Variants in ALDH1A2 observed in about 807,000 individuals in gnomAD.
ALDH1A2 encodes the protein aldehyde dehydrogenase 1 family member A2.
A neutral mutation model predicts 60.3 loss-of-function variants in ALDH1A2; 27 were observed. That is an observed-to-expected ratio of 0.45 (90% CI 0.33 to 0.62). The LOEUF (loss-of-function observed/expected upper bound fraction) is 0.62, where lower values mean the gene tolerates loss of function less well. Among genes scored for constraint, ALDH1A2 ranks in the 20% least tolerant of loss-of-function variants. ALDH1A2 has a pLI of 0.02. For missense variants in ALDH1A2, 581 were observed against 643.8 expected, an observed-to-expected ratio of 0.90 and a Z score of 1.06; for synonymous variants, 289 against 232.4, an observed-to-expected ratio of 1.24 and a Z score of -2.21.
At chr15:58,007,858 C>G (rs555894111) in intron 4 of ALDH1A2, among the ~76,000 whole-genome samples, 1 of 149,632 alleles carries the variant, frequency 6.7e-6, no homozygotes, top group East Asian at 2.0e-4. Flanking sequence ...TATGGAGTTA[C>G]AAAAGACAAA....
chr15:57,970,007 G>C lies in ALDH1A2; in HGVS notation c.799-4180C>G, dbSNP rs73422176. 4.3e-3 allele frequency among the ~76,000 whole-genome samples: 648 copies of C among 152,270 alleles called. 7 individuals carry two copies. Among genetic ancestry groups the C allele is most frequent in the African/African-American group, 0.015 (620 of 41,554 alleles). On this transcript the variant is annotated intron_variant, in intron 7 of 12. Coordinates refer to ENST00000249750, the MANE Select transcript of ALDH1A2 (RefSeq NM_003888.4). ...CAGCTTCTGCATCTGTAGAATGAAG[G>C]CACAGGCCAAGCAACAAATCTCTCC...
intron 1 of ALDH1A2, among the ~76,000 whole-genome samples, chr15:58,060,716 A>G (rs1236169853): frequency 6.6e-6 from 1 of 152,208 alleles, no homozygotes; most frequent in East Asian, 1.9e-4. Context: ...TGCCGCAGAC[A>G]GTATATAATT....
At chr15:57,982,233 A>G (rs1406496670) in intron 7 of ALDH1A2, among the ~76,000 whole-genome samples, 2 of 152,166 alleles carry the variant, frequency 1.3e-5, no homozygotes, top group Non-Finnish European at 2.9e-5. Context: ...TCTCTAATCT[A>G]CAGCTGGGAT....
chr15:58,030,042 G>T (rs1896190444), intron 1 of ALDH1A2, among the ~76,000 whole-genome samples: 1 of 152,142 alleles, frequency 6.6e-6, no homozygotes, highest in Admixed American at 6.5e-5. Context: ...CATTTTATGA[G>T]GCCAGCATCA....
At chr15:57,964,857 C>T (rs576366913) in intron 8 of ALDH1A2, 15 of 152,362 alleles carry the variant, frequency 9.8e-5, no homozygotes, top group African/African-American at 3.4e-4. Flanking sequence ...GAGGAACAGG[C>T]ATAAGGATTC....
intron 7 of ALDH1A2, among the ~76,000 whole-genome samples, chr15:57,989,965 A>G (rs1894839038): frequency 1.8e-5 from 1 of 54,958 alleles, no homozygotes; most frequent in Non-Finnish European, 5.1e-5. Flanking sequence ...TGCAGTCCGC[A>G]GTCCAGCCTG....
chr15:58,044,038 A>G (rs1383129655), intron 1 of ALDH1A2, among the ~76,000 whole-genome samples: 1 of 151,968 alleles, frequency 6.6e-6, no homozygotes, highest in Non-Finnish European at 1.5e-5. Context: ...CCATATCCTG[A>G]TTCCCACCTC....
intron 1 of ALDH1A2, among the ~76,000 whole-genome samples, chr15:58,041,490 A>G (rs1455125915): frequency 1.3e-5 from 2 of 151,920 alleles, no homozygotes; most frequent in African/African-American, 4.8e-5. Flanking sequence ...CTTATTTCTC[A>G]TAGTCCTGGA....
At chr15:58,042,811 T>A (rs1399310761) in intron 1 of ALDH1A2, among the ~76,000 whole-genome samples, 6 of 151,874 alleles carry the variant, frequency 4.0e-5, no homozygotes, top group Admixed American at 3.9e-4. Flanking sequence ...CAAATGAAGG[T>A]GGTTCACAAG....
Position 57,953,487 on chromosome 15 carries a change from A to G in ALDH1A2, c.*1710T>C, listed in dbSNP as rs1175179081. The G allele has an allele frequency of 1.3e-5, 2 of 152,784 alleles. No individual in the cohort carries two copies. The highest frequency in any genetic ancestry group is 2.9e-5 in the Non-Finnish European group (2 of 68,042). 9.5% of individuals were successfully genotyped at this position (152,784 alleles called of 1,614,324 possible). ...GGTTTCTTTTTAAGTAAATTAAAAGAAATAAATCTTCATTTTCACATTTTT... is the reference window on the plus strand; with the variant it reads ...GGTTTCTTTTTAAGTAAATTAAAAGGAATAAATCTTCATTTTCACATTTTT... On this transcript the variant is annotated 3_prime_UTR_variant, in exon 13 of 13. Coordinates refer to ENST00000249750, the MANE Select transcript of ALDH1A2 (RefSeq NM_003888.4).
At chr15:58,063,995 A>G (rs1376327175) in intron 1 of ALDH1A2, among the ~76,000 whole-genome samples, 13 of 152,162 alleles carry the variant, frequency 8.5e-5, no homozygotes, top group African/African-American at 3.1e-4. Flanking sequence ...TGAAAAACGT[A>G]CCTATTGCAT....
At chr15:58,050,074 C>G (rs1382240711) in intron 1 of ALDH1A2, among the ~76,000 whole-genome samples, 1 of 151,880 alleles carries the variant, frequency 6.6e-6, no homozygotes, top group South Asian at 2.1e-4. Flanking sequence ...AAGCACCCAG[C>G]TTATCTCAAT....
intron 7 of ALDH1A2, among the ~76,000 whole-genome samples, chr15:57,970,437 G>A (rs1369098735): frequency 2.6e-5 from 4 of 152,216 alleles, no homozygotes; most frequent in African/African-American, 9.7e-5. Context: ...TAGGCCTCAA[G>A]ATTGATATCA....
intron 1 of ALDH1A2, among the ~76,000 whole-genome samples, chr15:58,029,815 A>G (rs1258455604): frequency 5.9e-5 from 9 of 152,304 alleles, no homozygotes; most frequent in Admixed American, 3.3e-4. Flanking sequence ...CTGGACACAT[A>G]CACCCTCCCA....
intron 6 of ALDH1A2, 45 bp from the exon 7 acceptor site, chr15:57,992,863 G>T (rs976002908): frequency 6.2e-7 from 1 of 1,613,322 alleles, no homozygotes; most frequent in Admixed American, 1.7e-5. Context: ...GAAAGCTGAT[G>T]CATCATGTTA....
chr15:58,052,870 T>G (rs1896809918), intron 1 of ALDH1A2, among the ~76,000 whole-genome samples: 1 of 152,132 alleles, frequency 6.6e-6, no homozygotes, highest in Non-Finnish European at 1.5e-5. Flanking sequence ...TTTTCCAAAG[T>G]GGATGTGTGT....
At chr15:58,008,754 T>C (rs555086176) in intron 4 of ALDH1A2, among the ~76,000 whole-genome samples, 3 of 152,214 alleles carry the variant, frequency 2.0e-5, no homozygotes, top group African/African-American at 7.2e-5. Context: ...CTTGTAAATT[T>C]ACCTTTCTGT....
chr15:58,058,151 A>G, intron 1 of ALDH1A2: 1 of 1,329,740 alleles, frequency 7.5e-7, no homozygotes, highest in Admixed American at 2.0e-5. Flanking sequence ...AAATTCATAC[A>G]GGCATTTCAT....
intron 7 of ALDH1A2, among the ~76,000 whole-genome samples, chr15:57,974,984 A>G (rs1374184631): frequency 6.6e-6 from 1 of 152,252 alleles, no homozygotes; most frequent in East Asian, 1.9e-4. Context: ...ACTCAATGGT[A>G]GAGAATTGGA....
Sources: gnomAD v4.1 joint callset for allele counts (sites outside exome capture counted in the v4.1 genomes callset) on GRCh38, gnomAD v4.1.1 for gene constraint, MANE v1.5 for transcripts, NCBI Gene and HGNC (gene_info 2026-07-23, HGNC 2026-07-21) for gene names.